Variants in TTC4 observed in about 807,000 individuals in gnomAD.
The protein encoded by TTC4 is hsp70/Hsp90 co-chaperone CNS1 homolog.
Under a neutral mutation model 51.9 loss-of-function variants are expected in TTC4, and 36 were observed. The ratio of observed to expected loss-of-function variants is 0.69; its 90% CI spans 0.53 to 0.92. TTC4 has a LOEUF of 0.92. Ranked by LOEUF, TTC4 falls within the 40% of genes least tolerant of loss-of-function variation. The pLI is 0.00. For missense variants in TTC4, 399 were observed against 454.6 expected (o/e 0.88, Z 1.11); for synonymous variants, 144 against 164.2 (o/e 0.88, Z 0.94).
At chr1:54,738,421 C>T (rs372150863) in intron 9 of TTC4, among the ~76,000 whole-genome samples, 52 of 152,216 alleles carry the variant, frequency 3.4e-4, no homozygotes, top group Admixed American at 5.2e-4. Flanking sequence ...GTTCTCATTC[C>T]GCTGCTGACT....
chr1:54,718,778 G>GT (rs1026691298), intron 3 of TTC4, among the ~76,000 whole-genome samples: 9 of 151,626 alleles, frequency 5.9e-5, no homozygotes, highest in South Asian at 2.1e-4. Context: ...AGACCTGTGG[G>GT]TTTTTTTTAA....
At position 54,741,609 on chromosome 1, in the gene TTC4, T is replaced by G. The variant is rs1646012644; in HGVS notation, c.*96T>G. ...GACATACTGCTGGAGTCCAGTGCTT[T>G]CTTTCCGTCACCCTGGGGATAGTCC... On this transcript the variant is annotated 3_prime_UTR_variant, in exon 10 of 10. Coordinates refer to ENST00000371281, the MANE Select transcript of TTC4 (RefSeq NM_004623.5). The G allele has an allele frequency of 9.5e-7, 1 of 1,047,490 alleles. No homozygotes were observed. Among genetic ancestry groups the G allele is most frequent in the Admixed American group, 1.9e-5 (1 of 51,386 alleles). The allele number at this position is 1,047,490 out of a possible 1,614,324, so 64.9% of individuals were successfully genotyped here.
In TTC4 at chr1:54,737,612, C is replaced by T. The variant is rs138114825; in HGVS notation, c.1009C>T (p.Leu337=). Residue 337 remains leucine, a synonymous_variant, in exon 9 of 10, where the codon CTA becomes TTA. Transcript: ENST00000371281. ...VYFEDEDRAE[L]YRVPAKSTLL... is the part of the protein sequence containing the mutation. ...CTTTGAGGATGAGGACAGGGCAGAA[C>T]TATACCGGGTGCCTGCCAAGAGCAC... 561 of 1,613,646 alleles carry T rather than the reference C, an allele frequency of 3.5e-4. 3 individuals are homozygous for T. The African/African-American group carries it at 6.2e-3, about 18-fold the overall frequency.
rs1384755871 is a variant in TTC4, at chr1:54,741,427, C to G, written c.1078C>G (p.Leu360Val). 9.3e-6 allele frequency: 15 copies of G among 1,614,206 alleles called. No homozygotes were observed. The highest frequency in any genetic ancestry group is 1.2e-5 in the Non-Finnish European group (14 of 1,180,030). Residue 360 changes from leucine to valine, a missense_variant, in exon 10 of 10, where the codon CTG becomes GTG. Leu to Val is a conservative substitution (Grantham distance 32, BLOSUM62 1). This residue lies in a region of TTC4 where 64 missense variants were observed against 61.3 expected (regional missense o/e 1.04). Coordinates refer to ENST00000371281, the MANE Select transcript of TTC4 (RefSeq NM_004623.5). Reference protein sequence around the residue: ...LQHQRYFVKALTPAFLVCVGS... With the variant: ...LQHQRYFVKAVTPAFLVCVGS... Reference sequence around the variant, plus strand: ...TCACGGCAGGTACTTTGTAAAAGCCCTGACACCAGCATTTTTGGTCTGTGT... The same window carrying G: ...TCACGGCAGGTACTTTGTAAAAGCCGTGACACCAGCATTTTTGGTCTGTGT...
intron 9 of TTC4, among the ~76,000 whole-genome samples, chr1:54,740,296 G>A (rs192293141): frequency 3.9e-5 from 6 of 152,336 alleles, no homozygotes; most frequent in Admixed American, 2.0e-4. Context: ...AGCTGGTGTA[G>A]TGTTGAGTGA....
At chr1:54,719,439 TCTC>T (rs1180626053) in intron 3 of TTC4, among the ~76,000 whole-genome samples, 1 of 152,246 alleles carries the variant, frequency 6.6e-6, no homozygotes, top group Non-Finnish European at 1.5e-5. Context: ...TCTGTGTTCT[TCTC>T]ATTTTCTTTG....
chr1:54,728,384 A>G lies in TTC4; in HGVS notation c.633A>G (p.Lys211=). The G allele has an allele frequency of 6.2e-7, 1 of 1,613,402 alleles. No individual in the cohort carries two copies. Among genetic ancestry groups the G allele is most frequent in the Non-Finnish European group, 8.5e-7 (1 of 1,179,524 alleles). The change falls in exon 6 of 10, where the codon AAA becomes AAG. Residue 211 remains lysine, a synonymous_variant. Coordinates refer to ENST00000371281, the MANE Select transcript of TTC4 (RefSeq NM_004623.5). ...EQRDVRKANL[K]EKKERNQNEA... is the part of the protein sequence containing the mutation. ...GGGATGTGAGGAAAGCCAACTTGAA[A>G]GAAAAGAAGGAGAGGAATCAGAATG... is the stretch of plus-strand genomic sequence containing the variant.
Position 54,741,532 on chromosome 1 carries a change from A to G in TTC4, c.*19A>G, listed in dbSNP as rs755741954. The G allele has an allele frequency of 1.9e-6, 3 of 1,598,746 alleles. No homozygotes were observed. Among genetic ancestry groups the G allele is most frequent in the East Asian group, 2.2e-5 (1 of 44,800 alleles). ...ACGATGACTAAGCCAGGGCCCCTGGATCTCCTCCCTTACCCTCCTCTGCTG... is the reference window on the plus strand; with the variant it reads ...ACGATGACTAAGCCAGGGCCCCTGGGTCTCCTCCCTTACCCTCCTCTGCTG... On this transcript the variant is annotated 3_prime_UTR_variant, in exon 10 of 10. Coordinates refer to ENST00000371281, the MANE Select transcript of TTC4 (RefSeq NM_004623.5).
chr1:54,722,793 G>A lies in TTC4; in HGVS notation c.588G>A (p.Lys196=). 1 of 1,613,562 alleles carries A rather than the reference G, an allele frequency of 6.2e-7. No individual in the cohort carries two copies. The highest frequency in any genetic ancestry group is 8.5e-7 in the Non-Finnish European group (1 of 1,179,788). ...KLLEMRAKAD[K]LKRIEQRDVR... is the part of the protein sequence containing the mutation. Reference sequence around the variant, plus strand: ...TGGAAATGAGGGCTAAAGCAGACAAGCTGAAGGTTGGTGACTGTCAGCAAC... The same window carrying A: ...TGGAAATGAGGGCTAAAGCAGACAAACTGAAGGTTGGTGACTGTCAGCAAC... The change falls in exon 5 of 10, where the codon AAG becomes AAA. Residue 196 remains lysine, a synonymous_variant. Coordinates refer to ENST00000371281, the MANE Select transcript of TTC4 (RefSeq NM_004623.5).
intron 6 of TTC4, among the ~76,000 whole-genome samples, chr1:54,728,701 G>A (rs1421718363): frequency 1.3e-5 from 2 of 152,160 alleles, no homozygotes; most frequent in Non-Finnish European, 1.5e-5. Flanking sequence ...CACAGTGGAT[G>A]CTTGAAATCT....
At chr1:54,720,588 G>T (rs1645731894) in intron 3 of TTC4, among the ~76,000 whole-genome samples, 1 of 151,324 alleles carries the variant, frequency 6.6e-6, no homozygotes, top group South Asian at 2.1e-4. Flanking sequence ...CTTACATGAG[G>T]ATCTATCTCA....
chr1:54,740,714 A>C (rs1646000796), intron 9 of TTC4, among the ~76,000 whole-genome samples: 1 of 152,174 alleles, frequency 6.6e-6, no homozygotes, highest in Non-Finnish European at 1.5e-5. Context: ...GTCCCAAAGC[A>C]GGCCCACTGA....
chr1:54,716,613 TC>T lies in TTC4; in HGVS notation c.130del (p.Leu44TyrfsTer56), dbSNP rs1645679663. 5.6e-6 allele frequency: 9 copies of T among 1,612,416 alleles called. No homozygotes were observed. The highest frequency in any genetic ancestry group is 6.8e-6 in the Non-Finnish European group (8 of 1,179,442). On this transcript the variant is annotated frameshift_variant, in exon 2 of 10. Transcript: ENST00000371281. LOFTEE classifies it high-confidence loss of function. ...EDQWEKEFEK[V>X]PLFMSRAPSE... ...AACCATTTACAGGAATTTGAAAAGG[TC>T]CCCCTATTTATGTCGAGAGCGCCAT...
At chr1:54,736,780 C>T (rs562917829) in intron 8 of TTC4, 1 of 152,830 alleles carries the variant, frequency 6.5e-6, no homozygotes, top group Admixed American at 6.5e-5. Flanking sequence ...ACTCTTGACT[C>T]CACATGTTAC....
At chr1:54,731,954 A>G (rs537608832) in intron 7 of TTC4, among the ~76,000 whole-genome samples, 1 of 152,200 alleles carries the variant, frequency 6.6e-6, no homozygotes, top group Non-Finnish European at 1.5e-5. Context: ...TGTGTTTGCC[A>G]AAGAGTGGTA....
intron 2 of TTC4, 142 bp downstream of exon 2, chr1:54,716,859 C>A: frequency 2.9e-6 from 2 of 684,932 alleles, no homozygotes; most frequent in African/African-American, 1.8e-5. Flanking sequence ...TCTTTTTGTA[C>A]CTACTAAGTG....
At chr1:54,718,823 C>A (rs1238520840) in intron 3 of TTC4, among the ~76,000 whole-genome samples, 1 of 151,624 alleles carries the variant, frequency 6.6e-6, no homozygotes, top group Admixed American at 6.6e-5. Flanking sequence ...ACAGGGGTCT[C>A]GCTATGTTGC....
chr1:54,740,239 G>A (rs2101376663), intron 9 of TTC4, among the ~76,000 whole-genome samples: 1 of 152,316 alleles, frequency 6.6e-6, no homozygotes, highest in Non-Finnish European at 1.5e-5. Context: ...GGTGAGGCCT[G>A]AAGTAGGAGG....
At chr1:54,726,676 T>C (rs75647825) in intron 5 of TTC4, among the ~76,000 whole-genome samples, 1,657 of 152,254 alleles carry the variant, frequency 0.011, 23 homozygotes, top group African/African-American at 0.038. Context: ...TGAAAGAAAT[T>C]AAAGAAGACC....
Sources: allele counts gnomAD v4.1 joint callset (sites outside exome capture counted in the v4.1 genomes callset), GRCh38; gene constraint gnomAD v4.1.1; regional missense constraint gnomAD v4.1.1; transcripts MANE v1.5; gene names NCBI Gene and HGNC (gene_info 2026-07-23, HGNC 2026-07-21).